The following CSMD1 variants were observed in gnomAD, a reference collection of about 807,000 sequenced individuals.
The protein encoded by CSMD1 is CUB and sushi domain-containing protein 1.
CSMD1 carries 213 observed loss-of-function variants against 417.5 expected under a neutral mutation model. The ratio of observed to expected loss-of-function variants is 0.51; its 90% CI spans 0.46 to 0.57. The LOEUF (loss-of-function observed/expected upper bound fraction) is 0.57. Among genes scored for constraint, CSMD1 ranks in the 20% least tolerant of loss-of-function variants. The pLI, the probability that CSMD1 is intolerant of heterozygous loss-of-function variation, is 0.00. For synonymous variants in CSMD1, 2,862 were observed against 1,736.8 expected, an observed-to-expected ratio of 1.65 and a Z score of -16.11; for missense variants, 6,923 against 4,529.7, an observed-to-expected ratio of 1.53 and a Z score of -15.17.
Position 3,018,543 on chromosome 8 carries a change from C to A in CSMD1, c.7963G>T (p.Val2655Leu). The A allele has an allele frequency of 1.2e-6, 2 of 1,613,894 alleles. No individual in the cohort carries two copies. The highest frequency in any genetic ancestry group is 1.7e-6 in the Non-Finnish European group (2 of 1,179,866). ...AAGCACTCTCTGACATGAGACCCCA[C>A]AAGCGTGTAGCCGGTGTTGCACGTA... ...IFTCNTGYTLVGSHVRECLAN... is the reference protein window; with the variant it reads ...IFTCNTGYTLLGSHVRECLAN... The change falls in exon 52 of 70, where the codon GTG becomes TTG. Residue 2655 changes from valine to leucine, a missense_variant. Transcript: ENST00000635120.
At chr8:3,996,282 C>A (rs960158247) in intron 5 of CSMD1, among the ~76,000 whole-genome samples, 3 of 152,156 alleles carry the variant, frequency 2.0e-5, no homozygotes, top group Non-Finnish European at 4.4e-5. Context: ...TAACTTTAAG[C>A]ATATAACTTC....
chr8:4,243,731 A>G (rs2128824022), intron 3 of CSMD1, among the ~76,000 whole-genome samples: 1 of 152,286 alleles, frequency 6.6e-6, no homozygotes, highest in South Asian at 2.1e-4. Flanking sequence ...GAGTCCACAA[A>G]AAAGAACACT....
At chr8:4,187,082 T>C (rs1445791432) in intron 3 of CSMD1, among the ~76,000 whole-genome samples, 3 of 152,220 alleles carry the variant, frequency 2.0e-5, no homozygotes, top group Non-Finnish European at 4.4e-5. Flanking sequence ...ACAAACATTA[T>C]CTCTAAGGTC....
At chr8:3,571,125 G>A (rs972844899) in intron 10 of CSMD1, among the ~76,000 whole-genome samples, 1 of 152,140 alleles carries the variant, frequency 6.6e-6, no homozygotes, top group Admixed American at 6.5e-5. Flanking sequence ...TCATTCTCAC[G>A]ACAGCTGAGG....
At chr8:4,431,085 T>C (rs536187816) in intron 2 of CSMD1, among the ~76,000 whole-genome samples, 43 of 152,284 alleles carry the variant, frequency 2.8e-4, no homozygotes, top group African/African-American at 9.9e-4. Flanking sequence ...TGATCATTAG[T>C]GTTAATATAT....
At chr8:3,297,763 C>G (rs773388518) in intron 25 of CSMD1, among the ~76,000 whole-genome samples, 13 of 151,928 alleles carry the variant, frequency 8.6e-5, no homozygotes, top group African/African-American at 2.2e-4. Context: ...AATCTGGACA[C>G]AAAATCACTA....
intron 1 of CSMD1, among the ~76,000 whole-genome samples, chr8:4,834,370 C>G (rs375564477): frequency 1.1e-4 from 17 of 152,178 alleles, no homozygotes; most frequent in African/African-American, 3.9e-4. Context: ...GGAAGATATA[C>G]GTTAGGAGAG....
At chr8:3,847,692 A>G (rs1391196113) in intron 5 of CSMD1, among the ~76,000 whole-genome samples, 1 of 152,062 alleles carries the variant, frequency 6.6e-6, no homozygotes, top group African/African-American at 2.4e-5. Flanking sequence ...TCAGCCATGG[A>G]AAAACTAATA....
intron 49 of CSMD1, among the ~76,000 whole-genome samples, chr8:3,054,947 G>A (rs1812117184): frequency 6.6e-6 from 1 of 152,092 alleles, no homozygotes. Context: ...TTTCTTTTCT[G>A]TATCTCACAA....
intron 41 of CSMD1, among the ~76,000 whole-genome samples, chr8:3,120,794 C>T (rs1200809036): frequency 6.6e-6 from 1 of 151,976 alleles, no homozygotes; most frequent in Admixed American, 6.6e-5. Context: ...TTGCAGTGAG[C>T]CGAGATCACG....
intron 25 of CSMD1, among the ~76,000 whole-genome samples, chr8:3,296,020 C>T (rs953743279): frequency 5.9e-5 from 9 of 151,932 alleles, no homozygotes; most frequent in African/African-American, 2.2e-4. Context: ...CACAATAATA[C>T]AGGGAAGAGA....
chr8:3,747,879 C>A (rs1469772837), intron 6 of CSMD1, among the ~76,000 whole-genome samples: 14 of 152,090 alleles, frequency 9.2e-5, no homozygotes, highest in African/African-American at 2.7e-4. Context: ...GGCATTGAGT[C>A]TGAGGAAGGT....
chr8:4,596,296 A>C (rs1042412588), intron 2 of CSMD1, among the ~76,000 whole-genome samples: 1 of 152,150 alleles, frequency 6.6e-6, no homozygotes, highest in African/African-American at 2.4e-5. Context: ...GAGATGCTTA[A>C]CCCAAGCTTC....
chr8:3,154,703 C>A lies in CSMD1; in HGVS notation c.5915-3190G>T, dbSNP rs548346700. On this transcript the variant is annotated intron_variant, in intron 39 of 69. Transcript: ENST00000635120. ...AGAAAACTGCGAGACCATTCTGGGG[C>A]TTGTTATAAATATTCAAAACAGTCA... is the stretch of plus-strand genomic sequence containing the variant. Among the ~76,000 whole-genome samples the A allele has an allele frequency of 5.9e-5, 9 of 152,256 alleles. No individual in the cohort carries two copies. The South Asian group carries it at 6.2e-4, about 11-fold the overall frequency.
chr8:4,597,114 T>C (rs1173743935), intron 2 of CSMD1, among the ~76,000 whole-genome samples: 1 of 152,032 alleles, frequency 6.6e-6, no homozygotes, highest in South Asian at 2.1e-4. Flanking sequence ...CACACAATTT[T>C]TTTTTTTCTA....
At chr8:4,849,329 A>G (rs1044452252) in intron 1 of CSMD1, among the ~76,000 whole-genome samples, 3 of 152,108 alleles carry the variant, frequency 2.0e-5, no homozygotes, top group African/African-American at 7.2e-5. Context: ...TTATAAAGAA[A>G]AAAGTAATAA....
At chr8:4,281,809 T>C (rs776017939) in intron 3 of CSMD1, among the ~76,000 whole-genome samples, 1 of 152,232 alleles carries the variant, frequency 6.6e-6, no homozygotes, top group Non-Finnish European at 1.5e-5. Flanking sequence ...TCTTATTACA[T>C]TGTAAAACAC....
intron 2 of CSMD1, among the ~76,000 whole-genome samples, chr8:4,427,115 T>C (rs369798365): frequency 6.6e-6 from 1 of 152,152 alleles, no homozygotes; most frequent in East Asian, 1.9e-4. Flanking sequence ...TCACCATCCT[T>C]ATAGAAAGCC....
intron 3 of CSMD1, among the ~76,000 whole-genome samples, chr8:4,269,125 T>G (rs1215385197): frequency 6.6e-6 from 1 of 152,198 alleles, no homozygotes; most frequent in African/African-American, 2.4e-5. Flanking sequence ...GGTGTGATCT[T>G]GGCTCACTGA....
Sources: allele counts gnomAD v4.1 joint callset (sites outside exome capture counted in the v4.1 genomes callset), GRCh38; gene constraint gnomAD v4.1.1; transcripts MANE v1.5; gene names NCBI Gene and HGNC (gene_info 2026-07-23, HGNC 2026-07-21).